NF1: variants seen among roughly 807,000 people sequenced by gnomAD.
NF1 encodes neurofibromin 1, also known as neurofibromin.
Under a neutral mutation model 325.7 loss-of-function variants are expected in NF1, and 122 were observed. That is an observed-to-expected ratio of 0.37 (90% CI 0.32 to 0.44). The LOEUF (loss-of-function observed/expected upper bound fraction) is 0.44, where lower values mean the gene tolerates loss of function less well. NF1 is among the 20% of genes least tolerant of loss of function. The pLI is 1.00. For missense variants in NF1, 2,140 were observed against 3,415.4 expected (o/e 0.63, Z 9.31); for synonymous variants, 1,091 against 1,186.0 (o/e 0.92, Z 1.65).
chr17:31,138,941 A>G (rs1320687646), intron 1 of NF1, among the ~76,000 whole-genome samples: 1 of 152,040 alleles, frequency 6.6e-6, no homozygotes, highest in African/African-American at 2.4e-5. Context: ...ATTCTTCATT[A>G]TCTTTTTTCT....
chr17:31,119,230 C>G (rs1273912825), intron 1 of NF1, among the ~76,000 whole-genome samples: 3 of 152,046 alleles, frequency 2.0e-5, no homozygotes, highest in Non-Finnish European at 2.9e-5. Context: ...TGTGAGCCAC[C>G]GCGCCTGGCC....
intron 1 of NF1, among the ~76,000 whole-genome samples, chr17:31,107,807 T>C (rs1913002044): frequency 6.6e-6 from 1 of 151,996 alleles, no homozygotes; most frequent in Non-Finnish European, 1.5e-5. Context: ...CTCCCAATGT[T>C]GTATGAGGGC....
At position 31,206,227 on chromosome 17, in the gene NF1, T is replaced by C. The variant is rs1597688674; in HGVS notation, c.1261-13T>C. 1 of 1,613,562 alleles carries C rather than the reference T, an allele frequency of 6.2e-7. No homozygotes were observed. The highest frequency in any genetic ancestry group is 8.5e-7 in the Non-Finnish European group (1 of 1,179,528). The stretch of plus-strand genomic sequence containing the variant: ...TGTACTTTTTCTTCCTATTGGTCTT[T>C]GTTTTTCTCTAGTCCGCATTGGATT... On this transcript the variant is annotated splice_polypyrimidine_tract_variant and intron_variant, in intron 11 of 57. Coordinates refer to ENST00000358273, the MANE Select transcript of NF1 (RefSeq NM_001042492.3).
rs2067450726 is a variant in NF1 at position 31,249,082 on chromosome 17, C to T, written c.4073C>T (p.Pro1358Leu). ...HAIISSSSEFPPQLRSVCHCL... is the reference protein window; with the variant it reads ...HAIISSSSEFLPQLRSVCHCL... The stretch of plus-strand genomic sequence containing the variant: ...ATCATCAGTTCCTCCTCAGAATTCC[C>T]CCCTCAACTTCGAAGTGTGTGCCAC... Residue 1358 changes from proline to leucine, a missense_variant, in exon 30 of 58, where the codon CCC becomes CTC. By Grantham distance (98) the Pro-to-Leu change is moderately conservative. Coordinates refer to ENST00000358273, the MANE Select transcript of NF1 (RefSeq NM_001042492.3). 6.2e-7 allele frequency: 1 copy of T among 1,614,056 alleles called. No individual in the cohort carries two copies. The highest frequency in any genetic ancestry group is 8.5e-7 in the Non-Finnish European group (1 of 1,179,976).
chr17:31,278,407 GTTTTTTTT>G (rs376109355), intron 36 of NF1, among the ~76,000 whole-genome samples: 1,886 of 109,578 alleles, frequency 0.017, 41 homozygotes, highest in African/African-American at 0.078. Flanking sequence ...GATTTTTTGG[GTTTTTTTT>G]TTTTTTTTTT....
chr17:31,358,671 C>T lies in NF1; in HGVS notation c.8113+49C>T, dbSNP rs114915525. Reference sequence around the variant, plus strand: ...GATGGTTGATGAACTTGCTAACATGCGCGCTGTTGTAGAATGCACTGACTA... The same window carrying T: ...GATGGTTGATGAACTTGCTAACATGTGCGCTGTTGTAGAATGCACTGACTA... On this transcript the variant is annotated intron_variant, in intron 55 of 57. Transcript: ENST00000358273. 1.2e-3 allele frequency: 1,863 copies of T among 1,600,772 alleles called. 20 individuals are homozygous for T. In the African/African-American group the frequency reaches 0.02, roughly 17 times the overall value.
chr17:31,185,639 C>T (rs545375151), intron 8 of NF1, among the ~76,000 whole-genome samples: 9 of 152,280 alleles, frequency 5.9e-5, no homozygotes, highest in African/African-American at 1.9e-4. Flanking sequence ...CCTAGTGGGC[C>T]TACTTGGATT....
chr17:31,149,287 C>T (rs1245699122), intron 1 of NF1, among the ~76,000 whole-genome samples: 7 of 150,274 alleles, frequency 4.7e-5, no homozygotes, highest in South Asian at 2.1e-4. Flanking sequence ...TACACACACA[C>T]ACATACACAC....
intron 36 of NF1, among the ~76,000 whole-genome samples, chr17:31,312,548 A>T (rs551035780): frequency 6.6e-6 from 1 of 151,722 alleles, no homozygotes; most frequent in African/African-American, 2.4e-5. Flanking sequence ...ATGGGATTCT[A>T]TGACAAAAAC....
chr17:31,222,264 A>C (rs1311890186), intron 15 of NF1: 8 of 1,056,666 alleles, frequency 7.6e-6, no homozygotes, highest in South Asian at 9.1e-5. Flanking sequence ...AGAATGATAA[A>C]ATTTTGTAAC....
At chr17:31,326,907 T>C (rs1442730787) in intron 37 of NF1, among the ~76,000 whole-genome samples, 1 of 152,154 alleles carries the variant, frequency 6.6e-6, no homozygotes. Flanking sequence ...ATCAGTACTT[T>C]TCTATAAGAT....
At chr17:31,360,413 T>C in intron 56 of NF1, 74 bp from the exon 57 acceptor site, 1 of 1,275,000 alleles carries the variant, frequency 7.8e-7, no homozygotes, top group Non-Finnish European at 1.1e-6. Context: ...CCAAACAAAA[T>C]TAATATTTTT....
intron 1 of NF1, among the ~76,000 whole-genome samples, chr17:31,132,811 C>T (rs147468556): frequency 1.3e-5 from 2 of 152,026 alleles, no homozygotes; most frequent in African/African-American, 4.8e-5. Flanking sequence ...GGATTACAGG[C>T]GCTCGCCACC....
chr17:31,374,736 T>C lies in NF1; in HGVS notation c.*581T>C, dbSNP rs2070707503. ...CACCATAAAGCCACAGACAAGGTAC[T>C]TGGGGGGGAGGGCAGGGAAATTTCA... is the stretch of plus-strand genomic sequence containing the variant. On this transcript the variant is annotated 3_prime_UTR_variant, in exon 58 of 58. Coordinates refer to ENST00000358273, the MANE Select transcript of NF1 (RefSeq NM_001042492.3). 4.3e-6 allele frequency: 1 copy of C among 234,220 alleles called. No homozygotes were observed. Among genetic ancestry groups the C allele is most frequent in the South Asian group, 1.8e-4 (1 of 5,672 alleles). The allele number at this position is 234,220 out of a possible 1,614,324, so 14.5% of individuals were successfully genotyped here. A position where few individuals can be genotyped will look rare whatever the true frequency, so the allele number is the denominator to read the frequency against.
chr17:31,295,014 C>T (rs372004919), intron 36 of NF1: 7 of 1,614,122 alleles, frequency 4.3e-6, no homozygotes, highest in Non-Finnish European at 5.9e-6. Context: ...GACCCTCAGA[C>T]AGCCAGCATG....
intron 1 of NF1, among the ~76,000 whole-genome samples, chr17:31,107,904 GGGGA>G: frequency 6.6e-6 from 1 of 152,198 alleles, no homozygotes; most frequent in East Asian, 1.9e-4. Flanking sequence ...TTGGGAGGTG[GGGGA>G]GGGAGGATTG....
At chr17:31,286,410 G>T (rs146367924) in intron 36 of NF1, among the ~76,000 whole-genome samples, 5 of 152,216 alleles carry the variant, frequency 3.3e-5, no homozygotes, top group African/African-American at 1.2e-4. Context: ...GTTTTAAAGA[G>T]ACTTTAGCTT....
intron 29 of NF1, among the ~76,000 whole-genome samples, chr17:31,247,976 G>T (rs2067426512): frequency 6.6e-6 from 1 of 152,170 alleles, no homozygotes; most frequent in Admixed American, 6.6e-5. Context: ...GCCGAGGCAG[G>T]TGGGTCACTT....
Position 31,365,574 on chromosome 17 carries a change from G to A in NF1, c.8377+4871G>A, listed in dbSNP as rs80282990. 4.5e-3 allele frequency among the ~76,000 whole-genome samples: 691 copies of A among 152,138 alleles called. 3 individuals carry two copies. Among genetic ancestry groups the A allele is most frequent in the African/African-American group, 0.016 (651 of 41,498 alleles). On this transcript the variant is annotated intron_variant, in intron 57 of 57. Coordinates refer to ENST00000358273, the MANE Select transcript of NF1 (RefSeq NM_001042492.3). ...ACTATTTTTTTTATTTTAAATACAA[G>A]ATTAATACTATAGTGCACTGTAGAA...
Sources: allele counts gnomAD v4.1 joint callset (sites outside exome capture counted in the v4.1 genomes callset), GRCh38; gene constraint gnomAD v4.1.1; transcripts MANE v1.5; gene names NCBI Gene and HGNC (gene_info 2026-07-23, HGNC 2026-07-21).